TENM3: variants seen among roughly 807,000 people sequenced by gnomAD.
The protein encoded by TENM3 is teneurin-3.
Under a neutral mutation model 255.1 loss-of-function variants are expected in TENM3, and 63 were observed. The observed-to-expected ratio is 0.25, with a 90% CI of 0.20 to 0.30. The LOEUF (loss-of-function observed/expected upper bound fraction) is 0.30, where lower values mean the gene tolerates loss of function less well. Among genes scored for constraint, TENM3 ranks in the 10% least tolerant of loss-of-function variants. The pLI, the probability that TENM3 is intolerant of heterozygous loss-of-function variation, is 1.00. For synonymous variants in TENM3, 1,306 were observed against 1,322.3 expected, an observed-to-expected ratio of 0.99 and a Z score of 0.27; for missense variants, 2,929 against 3,461.1, an observed-to-expected ratio of 0.85 and a Z score of 3.86.
Position 182,753,430 on chromosome 4 carries a change from C to T in TENM3, c.3863-20C>T, listed in dbSNP as rs1198700363. The T allele has an allele frequency of 5.6e-6, 9 of 1,603,986 alleles. No homozygotes were observed. The highest frequency in any genetic ancestry group is 7.7e-6 in the Non-Finnish European group (9 of 1,173,138). ...AACCATTTTTGAAAAATTAGTAATA[C>T]TTGCTTCTCTCAAATACAGGAATGG... On this transcript the variant is annotated intron_variant, in intron 20 of 27. Coordinates refer to ENST00000511685, the MANE Select transcript of TENM3 (RefSeq NM_001080477.4).
At chr4:181,948,570 C>T in the TENM3 span, among the ~76,000 whole-genome samples, 1 of 152,064 alleles carries the variant, frequency 6.6e-6, no homozygotes, top group Non-Finnish European at 1.5e-5. Flanking sequence ...TGCACGCCAC[C>T]ATGCCTGAGT....
chr4:181,934,961 C>T, the TENM3 span, among the ~76,000 whole-genome samples: 1 of 152,182 alleles, frequency 6.6e-6, no homozygotes, highest in African/African-American at 2.4e-5. Flanking sequence ...TTTTGATTAA[C>T]CAGAAAAGAC....
the TENM3 span, among the ~76,000 whole-genome samples, chr4:181,773,019 A>G: frequency 6.6e-6 from 1 of 152,078 alleles, no homozygotes; most frequent in Non-Finnish European, 1.5e-5. Context: ...AAACACCTCC[A>G]CTTTACTCTT....
chr4:182,209,026 T>A (rs918138168), intron 1 of TENM3, among the ~76,000 whole-genome samples: 12 of 150,844 alleles, frequency 8.0e-5, no homozygotes, highest in Admixed American at 3.3e-4. Context: ...TGGAGTGCGG[T>A]GGCACAGTCT....
chr4:182,050,924 A>G, the TENM3 span, among the ~76,000 whole-genome samples: 1 of 152,348 alleles, frequency 6.6e-6, no homozygotes, highest in East Asian at 1.9e-4. Flanking sequence ...GCCACTGGCG[A>G]TTACAGTGGC....
At chr4:182,694,179 G>A (rs1212459662) in intron 12 of TENM3, among the ~76,000 whole-genome samples, 1 of 151,790 alleles carries the variant, frequency 6.6e-6, no homozygotes, top group East Asian at 1.9e-4. Context: ...ATACGGTCAC[G>A]GCTCACTGCA....
At chr4:181,660,783 C>T in the TENM3 span, among the ~76,000 whole-genome samples, 1 of 152,236 alleles carries the variant, frequency 6.6e-6, no homozygotes, top group East Asian at 1.9e-4. Context: ...ATATGTTTTA[C>T]ACCTGTTGAG....
At chr4:181,985,795 T>C in the TENM3 span, among the ~76,000 whole-genome samples, 2 of 152,112 alleles carry the variant, frequency 1.3e-5, no homozygotes, top group Non-Finnish European at 2.9e-5. Flanking sequence ...GTTTTACAAG[T>C]TTTGAATATG....
In TENM3 at chr4:182,775,027, C is replaced by G; in HGVS notation, c.5178C>G (p.Thr1726=). 1 of 1,614,026 alleles carries G rather than the reference C, an allele frequency of 6.2e-7. No individual in the cohort carries two copies. The highest frequency in any genetic ancestry group is 8.5e-7 in the Non-Finnish European group (1 of 1,179,902). The change falls in exon 24 of 28, where the codon ACC becomes ACG. Residue 1726 remains threonine (T), a synonymous_variant. Coordinates refer to ENST00000511685, the MANE Select transcript of TENM3 (RefSeq NM_001080477.4). ...YQTEPHVLAG[T]ANPTVAKRNM... ...CAGAGCCGCACGTTCTGGCTGGCAC[C>G]GCTAATCCGACGGTTGCCAAAAGAA...
At chr4:182,662,819 G>C (rs184918298) in intron 6 of TENM3, among the ~76,000 whole-genome samples, 2 of 152,180 alleles carry the variant, frequency 1.3e-5, no homozygotes, top group African/African-American at 4.8e-5. Context: ...ACTTCCAGGT[G>C]TGTTTACCAT....
chr4:182,575,998 G>A (rs1326886628), intron 3 of TENM3, among the ~76,000 whole-genome samples: 3 of 152,152 alleles, frequency 2.0e-5, no homozygotes, highest in African/African-American at 7.2e-5. Flanking sequence ...CATTTTCAGG[G>A]TGGGATTAAG....
the TENM3 span, among the ~76,000 whole-genome samples, chr4:181,893,524 T>C: frequency 2.2e-5 from 2 of 91,394 alleles, no homozygotes; most frequent in Non-Finnish European, 4.2e-5. Flanking sequence ...CCTCTTAGGA[T>C]GCATCCAGTA....
Position 182,628,703 on chromosome 4 carries a change from A to G in TENM3, c.802A>G (p.Thr268Ala), listed in dbSNP as rs1317602374. The change falls in exon 5 of 28, where the codon ACC becomes GCC. Residue 268 changes from threonine (T) to alanine (A), a missense_variant. Coordinates refer to ENST00000511685, the MANE Select transcript of TENM3 (RefSeq NM_001080477.4). ...TGTTPLFSTA[T>A]PGYTMASGSV... Reference sequence around the variant, plus strand: ...TACAACGCCACTGTTCAGTACTGCAACCCCAGGATACACAATGGCATCTGG... The same window carrying G: ...TACAACGCCACTGTTCAGTACTGCAGCCCCAGGATACACAATGGCATCTGG... 2 of 1,607,396 alleles carry G rather than the reference A, an allele frequency of 1.2e-6. No homozygotes were observed. Among genetic ancestry groups the G allele is most frequent in the Admixed American group, 1.7e-5 (1 of 59,094 alleles).
At position 182,324,108 on chromosome 4, in the gene TENM3, A is replaced by G; in HGVS notation, c.88A>G (p.Asn30Asp). 6.2e-7 allele frequency: 1 copy of G among 1,613,976 alleles called. No individual in the cohort carries two copies. The highest frequency in any genetic ancestry group is 8.5e-7 in the Non-Finnish European group (1 of 1,179,872). ...GCGCTACACAAATTCCTCCGCAGAC[A>G]ATGAGGAGTGCCGGGTACCCACACA... The part of the protein sequence containing the change: ...ERRYTNSSAD[N>D]EECRVPTQKS... Residue 30 changes from asparagine (N) to aspartate (D), a missense_variant, in exon 2 of 28, where the codon AAT becomes GAT. By Grantham distance (23) the Asn-to-Asp change is conservative. Transcript: ENST00000511685.
chr4:181,758,848 C>T, the TENM3 span, among the ~76,000 whole-genome samples: 2 of 152,160 alleles, frequency 1.3e-5, no homozygotes, highest in Non-Finnish European at 2.9e-5. Flanking sequence ...ATTCAACACC[C>T]TCTGGAATTC....
chr4:182,636,376 C>T (rs1751844683), intron 5 of TENM3, among the ~76,000 whole-genome samples: 1 of 152,114 alleles, frequency 6.6e-6, no homozygotes, highest in African/African-American at 2.4e-5. Flanking sequence ...CTCCTCCTCT[C>T]CCCACAAACA....
chr4:181,577,964 G>T, the TENM3 span, among the ~76,000 whole-genome samples: 24 of 152,024 alleles, frequency 1.6e-4, no homozygotes, highest in Admixed American at 1.4e-3. Flanking sequence ...CCTTCAGTCC[G>T]TCCATCCTCC....
intron 3 of TENM3, among the ~76,000 whole-genome samples, chr4:182,557,507 A>G (rs563583883): frequency 1.6e-4 from 24 of 152,322 alleles, no homozygotes; most frequent in South Asian, 2.1e-4. Context: ...GAGCTAACAG[A>G]TGAGCCCTCA....
chr4:182,124,361 C>G, the TENM3 span, among the ~76,000 whole-genome samples: 1 of 152,022 alleles, frequency 6.6e-6, no homozygotes, highest in African/African-American at 2.4e-5. Context: ...TGAAACTACC[C>G]GTTTACACAA....
Sources: allele counts gnomAD v4.1 joint callset (sites outside exome capture counted in the v4.1 genomes callset), GRCh38; gene constraint gnomAD v4.1.1; transcripts MANE v1.5; gene names NCBI Gene and HGNC (gene_info 2026-07-23, HGNC 2026-07-21).